Variants in TTN observed in about 807,000 individuals in gnomAD.
The protein encoded by TTN is connectin.
Under a neutral mutation model 3,223.0 loss-of-function variants are expected in TTN, and 1,525 were observed. The observed-to-expected ratio is 0.47, with a 90% confidence interval of 0.45 to 0.49. The LOEUF (loss-of-function observed/expected upper bound fraction) is 0.49. Among genes scored for constraint, TTN ranks in the 20% least tolerant of loss-of-function variants. TTN has a pLI of 0.00. For missense variants in TTN, 40,786 were observed against 43,424.0 expected (o/e 0.94, Z 5.40); for synonymous variants, 14,094 against 15,161.0 (o/e 0.93, Z 5.17).
intron 6 of TTN, 180 bp downstream of exon 6, chr2:178,799,307 A>T (rs1477631911): frequency 2.2e-6 from 2 of 908,742 alleles, no homozygotes; most frequent in Non-Finnish European, 3.3e-6. Context: ...TGTCCAGAGG[A>T]ACACGGAGCC....
Position 178,533,757 on chromosome 2 carries a change from C to T in TTN, c.102858G>A (p.Glu34286=). 6.2e-7 allele frequency: 1 copy of T among 1,613,948 alleles called. No homozygotes were observed. The highest frequency in any genetic ancestry group is 1.3e-5 in the African/African-American group (1 of 75,030). ...CTGATTTATACCATGTTACATGAGG[C>T]TCTGGGTGGACAGTTATAGTTACTC... ...RFGVTITVHP[E]PHVTWYKSGQ... The change falls in exon 358 of 363, where the codon GAG becomes GAA. Residue 34286 remains glutamate, a synonymous_variant. Transcript: ENST00000589042.
rs753410232 is a variant in TTN, at chr2:178,531,987, T to C, written c.104628A>G (p.Ser34876=). The C allele has an allele frequency of 6.2e-7, 1 of 1,613,788 alleles. No individual in the cohort carries two copies. The highest frequency in any genetic ancestry group is 1.1e-5 in the South Asian group (1 of 91,064). Residue 34876 remains serine, a synonymous_variant, in exon 358 of 363, where the codon TCA becomes TCG. Transcript: ENST00000589042. The part of the protein sequence containing the change: ...EEYEDDTERR[S]PTPERTRPRS... ...GTGGGCGAGTTCTCTCTGGAGTAGG[T>C]GACCTTCTTTCTGTGTCATCTTCGT...
rs770121355 is a variant in TTN, at chr2:178,719,710, C to G, written c.23782G>C (p.Glu7928Gln). 3 of 1,613,730 alleles carry G rather than the reference C, an allele frequency of 1.9e-6. No homozygotes were observed. The highest frequency in any genetic ancestry group is 1.7e-5 in the Admixed American group (1 of 60,010). The change falls in exon 82 of 363, where the codon GAA (glutamate) becomes CAA (glutamine). Residue 7928 changes from glutamate (E) to glutamine (Q), a missense_variant. Glu to Gln is a conservative substitution (Grantham distance 29). Coordinates refer to ENST00000589042, the MANE Select transcript of TTN (RefSeq NM_001267550.2). ...LSAKWFKDGR[E>Q]LSADSKHHIT... ...TGATGTTTGCTGTCTGCAGACAATT[C>G]TCTTCCATCTTTGAACCACTTGGCT... is the stretch of plus-strand genomic sequence containing the variant.
intron 116 of TTN, 49 bp downstream of exon 116, chr2:178,694,780 T>C: frequency 1.3e-6 from 2 of 1,508,062 alleles, no homozygotes; most frequent in South Asian, 1.2e-5. Context: ...TATAGATCAG[T>C]AAACATATTA....
Position 178,539,129 on chromosome 2 carries a change from G to T in TTN, c.98806C>A (p.Arg32936Ser). Residue 32936 changes from arginine (R) to serine (S), a missense_variant, in exon 353 of 363, where the codon CGC becomes AGC. Coordinates refer to ENST00000589042, the MANE Select transcript of TTN (RefSeq NM_001267550.2). Reference protein sequence around the residue: ...GSRVTGYYIERKETSTDKWVR... With the variant: ...GSRVTGYYIESKETSTDKWVR... ...CACTTGTCAGTGGATGTCTCTTTGC[G>T]TTCGATGTAGTAGCCTGTGACTCTA... The T allele has an allele frequency of 6.2e-7, 1 of 1,613,702 alleles. No individual in the cohort carries two copies. The highest frequency in any genetic ancestry group is 8.5e-7 in the Non-Finnish European group (1 of 1,179,738).
chr2:178,693,488 G>T lies in TTN; in HGVS notation c.31594+121C>A, dbSNP rs140912299. On this transcript the variant is annotated intron_variant, in intron 119 of 362. Coordinates refer to ENST00000589042, the MANE Select transcript of TTN (RefSeq NM_001267550.2). ...TCCCCCATCACATCCTTTGTACATA[G>T]TGGCTATAGGTATGCACACTGTGAC... The T allele has an allele frequency of 9.5e-4, 602 of 635,192 alleles. 1 individual carries two copies. The highest frequency in any genetic ancestry group is 9.8e-4 in the Non-Finnish European group (397 of 406,008). 39.3% of individuals were successfully genotyped at this position (635,192 alleles called of 1,614,324 possible). A position where few individuals can be genotyped will look rare whatever the true frequency, so the allele number is the denominator to read the frequency against.
chr2:178,730,021 T>TCCCCCCCCCCCCCCCC, intron 62 of TTN, 72 bp downstream of exon 62: 4 of 1,557,998 alleles, frequency 2.6e-6, no homozygotes, highest in Non-Finnish European at 3.5e-6. Context: ...GTCTTAAGCG[T>TCCCCCCCCCCCCCCCC]CCCCCGCCCC....
At position 178,681,624 on chromosome 2, in the gene TTN, A is replaced by G. The variant is rs1187151046; in HGVS notation, c.33172+37T>C. On this transcript the variant is annotated intron_variant, in intron 136 of 362. Coordinates refer to ENST00000589042, the MANE Select transcript of TTN (RefSeq NM_001267550.2). ...AGTAGGACAGACATGGAGGAAACAA[A>G]GATCTCTTACAGGTAATAATGTTTT... 2.5e-6 allele frequency: 4 copies of G among 1,579,608 alleles called. No individual in the cohort carries two copies. The African/African-American group carries it at 4.1e-5, about 16-fold the overall frequency.
At position 178,562,575 on chromosome 2, in the gene TTN, C is replaced by T; in HGVS notation, c.83557G>A (p.Glu27853Lys). 6.2e-7 allele frequency: 1 copy of T among 1,610,882 alleles called. No individual in the cohort carries two copies. Among genetic ancestry groups the T allele is most frequent in the Non-Finnish European group, 8.5e-7 (1 of 1,178,718 alleles). ...GACACTTTAACGGGTTCTGTTGTTT[C>T]AGCTGGCAAACCAATCCCATATTCA... is the stretch of plus-strand genomic sequence containing the variant. Reference protein sequence around the residue: ...SNEYGIGLPAETTEPVKVSEP... With the variant: ...SNEYGIGLPAKTTEPVKVSEP... Residue 27853 changes from glutamate (E) to lysine (K), a missense_variant, in exon 326 of 363, where the codon GAA (glutamate) becomes AAA (lysine). Transcript: ENST00000589042.
rs1473661074 is a variant in TTN, at chr2:178,556,981, A to G, written c.88173T>C (p.Thr29391=). The change falls in exon 330 of 363, where the codon ACT becomes ACC. Residue 29391 remains threonine, a synonymous_variant. Coordinates refer to ENST00000589042, the MANE Select transcript of TTN (RefSeq NM_001267550.2). ...RWTKASFTNV[T]ETQFIISGLT... is the part of the protein sequence containing the mutation. The stretch of plus-strand genomic sequence containing the variant: ...AGCCAGAGATGATGAATTGAGTTTC[A>G]GTAACATTGGTGAAGCTGGCCTTGG... 3 of 1,613,850 alleles carry G rather than the reference A, an allele frequency of 1.9e-6. 1 individual carries two copies. Among genetic ancestry groups the G allele is most frequent in the Non-Finnish European group, 1.7e-6 (2 of 1,179,830 alleles).
intron 113 of TTN, 126 bp from the exon 114 acceptor site, chr2:178,696,395 T>C: frequency 1.1e-6 from 1 of 900,156 alleles, no homozygotes; most frequent in Non-Finnish European, 1.6e-6. Context: ...TTGTTTTTTT[T>C]TTTTGTATTG....
Position 178,732,988 on chromosome 2 carries a change from T to C in TTN, c.16188A>G (p.Glu5396=), listed in dbSNP as rs1288648252. ...TCCTGTATCTGTCAGAAGCAGCTAT[T>C]TCTTTGCCATCCTTAAACCAGGACA... ...MRVSWFKDGK[E]IAASDRYRIA... The change falls in exon 55 of 363, where the codon GAA becomes GAG. Residue 5396 remains glutamate, a synonymous_variant. Coordinates refer to ENST00000589042, the MANE Select transcript of TTN (RefSeq NM_001267550.2). The C allele has an allele frequency of 6.2e-7, 1 of 1,613,514 alleles. No homozygotes were observed. Among genetic ancestry groups the C allele is most frequent in the Non-Finnish European group, 8.5e-7 (1 of 1,179,770 alleles).
At position 178,529,143 on chromosome 2, in the gene TTN, GACA is replaced by G. The variant is rs1234098695; in HGVS notation, c.106605_106607del (p.Val35536del). The G allele has an allele frequency of 6.3e-7, 1 of 1,583,308 alleles. No individual in the cohort carries two copies. Among genetic ancestry groups the G allele is most frequent in the Admixed American group, 1.8e-5 (1 of 54,144 alleles). On this transcript the variant is annotated inframe_deletion, in exon 360 of 363. Coordinates refer to ENST00000589042, the MANE Select transcript of TTN (RefSeq NM_001267550.2). ...GGGCTTTTTGGGAAATTTCCTCTTG[GACA>G]ACAGCTTTCTTCTGAGGTGTAATTT...
In TTN at chr2:178,569,714, T is replaced by C; in HGVS notation, c.76418A>G (p.Glu25473Gly). 2 of 1,613,178 alleles carry C rather than the reference T, an allele frequency of 1.2e-6. No homozygotes were observed. Among genetic ancestry groups the C allele is most frequent in the Non-Finnish European group, 1.7e-6 (2 of 1,179,572 alleles). ...KTNIEVEKLL[E>G]KHEYNFRICA... ...GATACGGAAGTTGTATTCATGCTTT[T>C]CCAACAGCTTCTCTACTTCTATGTT... Residue 25473 changes from glutamate (E) to glycine (G), a missense_variant, in exon 326 of 363, where the codon GAA becomes GGA. Coordinates refer to ENST00000589042, the MANE Select transcript of TTN (RefSeq NM_001267550.2).
chr2:178,527,327 A>T lies in TTN; in HGVS notation c.107681-20T>A. ...GAATTCCTTTATGGAACAATGACAA[A>T]AAAAAGGTCTTAGAATCACTGAAAA... On this transcript the variant is annotated intron_variant, in intron 362 of 362. Coordinates refer to ENST00000589042, the MANE Select transcript of TTN (RefSeq NM_001267550.2). 1 of 1,576,672 alleles carries T rather than the reference A, an allele frequency of 6.3e-7. No homozygotes were observed. The highest frequency in any genetic ancestry group is 8.6e-7 in the Non-Finnish European group (1 of 1,162,790).
At chr2:178,738,732 AAAT>A (rs2081968882) in intron 48 of TTN, among the ~76,000 whole-genome samples, 1 of 152,168 alleles carries the variant, frequency 6.6e-6, no homozygotes, top group Non-Finnish European at 1.5e-5. Context: ...CAACAACAAA[AAAT>A]AAACAGAAAA....
chr2:178,719,722 T>G lies in TTN; in HGVS notation c.23770A>C (p.Lys7924Gln), dbSNP rs770650362. 11 of 1,613,652 alleles carry G rather than the reference T, an allele frequency of 6.8e-6. No individual in the cohort carries two copies. Among genetic ancestry groups the G allele is most frequent in the Non-Finnish European group, 9.3e-6 (11 of 1,179,720 alleles). ...GTPELSAKWF[K>Q]DGRELSADSK... ...TCTGCAGACAATTCTCTTCCATCTT[T>G]GAACCACTTGGCTGAGAGTTCTGGT... Residue 7924 changes from lysine (K) to glutamine (Q), a missense_variant, in exon 82 of 363, where the codon AAA becomes CAA. Coordinates refer to ENST00000589042, the MANE Select transcript of TTN (RefSeq NM_001267550.2).
intron 149 of TTN, chr2:178,675,352 C>G (rs1577257796): frequency 2.7e-6 from 1 of 365,576 alleles, no homozygotes; most frequent in African/African-American, 2.4e-5. Flanking sequence ...TTTCTTTTTT[C>G]TTTTGTCTTT....
Position 178,651,652 on chromosome 2 carries a change from G to A in TTN, c.39463+14C>T, listed in dbSNP as rs759401912. 7 of 1,612,834 alleles carry A rather than the reference G, an allele frequency of 4.3e-6. No individual in the cohort carries two copies. The Admixed American group carries it at 1.2e-4, about 27-fold the overall frequency. ...AAAGTTTTTTGTTAGGGAGTTAGTG[G>A]CAGTGAGGAATACCTTTCACTGGTG... On this transcript the variant is annotated intron_variant, in intron 206 of 362. Coordinates refer to ENST00000589042, the MANE Select transcript of TTN (RefSeq NM_001267550.2).
Sources: allele counts gnomAD v4.1 joint callset (sites outside exome capture counted in the v4.1 genomes callset), GRCh38; gene constraint gnomAD v4.1.1; transcripts MANE v1.5; gene names NCBI Gene and HGNC (gene_info 2026-07-23, HGNC 2026-07-21).